The following LRRC75A variants were observed in gnomAD, a reference collection of about 807,000 sequenced individuals.
LRRC75A encodes leucine-rich repeat-containing protein 75A.
LRRC75A carries 12 observed loss-of-function variants against 26.0 expected under a neutral mutation model. The ratio of observed to expected loss-of-function variants is 0.46; its 90% CI spans 0.30 to 0.75. The LOEUF (loss-of-function observed/expected upper bound fraction) is 0.75. LRRC75A is among the 30% of genes least tolerant of loss of function. LRRC75A has a pLI of 0.08. For synonymous variants in LRRC75A, 223 were observed against 219.3 expected (o/e 1.02, Z -0.15); for missense variants, 410 against 486.6 (o/e 0.84, Z 1.48).
At chr17:16,457,550 C>T (rs1202381588) in intron 2 of LRRC75A, among the ~76,000 whole-genome samples, 1 of 152,204 alleles carries the variant, frequency 6.6e-6, no homozygotes, top group Non-Finnish European at 1.5e-5. Context: ...GCTCTCGGCT[C>T]CTGGCATCTG....
chr17:16,480,380 A>G (rs1381744128), intron 1 of LRRC75A, among the ~76,000 whole-genome samples: 1 of 152,162 alleles, frequency 6.6e-6, no homozygotes, highest in African/African-American at 2.4e-5. Context: ...CTGTAATCCT[A>G]GCACTTTGGG....
chr17:16,477,902 C>G (rs2093824882), intron 1 of LRRC75A, among the ~76,000 whole-genome samples: 1 of 152,068 alleles, frequency 6.6e-6, no homozygotes. Flanking sequence ...TTGTCTACAG[C>G]TTCGAGACAC....
intron 2 of LRRC75A, among the ~76,000 whole-genome samples, chr17:16,460,364 G>A (rs1009764381): frequency 6.6e-6 from 1 of 152,218 alleles, no homozygotes; most frequent in African/African-American, 2.4e-5. Flanking sequence ...GGGAAGATCA[G>A]AAGGCAGGAG....
At chr17:16,466,472 T>C (rs2093769756) in intron 1 of LRRC75A, among the ~76,000 whole-genome samples, 1 of 152,130 alleles carries the variant, frequency 6.6e-6, no homozygotes, top group South Asian at 2.1e-4. Flanking sequence ...TGGTTTGTCT[T>C]AAAAAGCACA....
In LRRC75A at chr17:16,444,065, G is replaced by T. The variant is rs201264792; in HGVS notation, c.558C>A (p.Thr186=). The part of the protein sequence containing the change: ...NTVDLSGIPL[T]SRDLERVTSY... ...TGGTCACCCGCTCCAGGTCTCGGGA[G>T]GTCAGTGGGATTCCCGACAGGTCCA... Residue 186 remains threonine (T), a synonymous_variant, in exon 4 of 4, where the codon ACC becomes ACA. Coordinates refer to ENST00000470794, the MANE Select transcript of LRRC75A (RefSeq NM_001113567.3). 1 of 1,612,904 alleles carries T rather than the reference G, an allele frequency of 6.2e-7. No homozygotes were observed. The highest frequency in any genetic ancestry group is 1.3e-5 in the African/African-American group (1 of 74,922).
chr17:16,471,366 C>G (rs1380230148), intron 1 of LRRC75A, among the ~76,000 whole-genome samples: 1 of 152,220 alleles, frequency 6.6e-6, no homozygotes, highest in Non-Finnish European at 1.5e-5. Flanking sequence ...CCAAGTCACT[C>G]AGCCAGTGGT....
chr17:16,486,225 C>T (rs1403630035), intron 1 of LRRC75A, among the ~76,000 whole-genome samples: 1 of 152,108 alleles, frequency 6.6e-6, no homozygotes, highest in Non-Finnish European at 1.5e-5. Flanking sequence ...TGGATGGAGG[C>T]CAGGGTACTT....
At chr17:16,464,364 C>G (rs1403876803) in intron 1 of LRRC75A, among the ~76,000 whole-genome samples, 4 of 152,182 alleles carry the variant, frequency 2.6e-5, no homozygotes, top group Non-Finnish European at 5.9e-5. Context: ...CCTTTGACCT[C>G]TGGCCCTGCC....
chr17:16,446,903 G>A (rs1422712435), intron 3 of LRRC75A: 6 of 363,026 alleles, frequency 1.7e-5, no homozygotes, highest in African/African-American at 1.0e-4. Flanking sequence ...CTGGGAATGC[G>A]CCTCTCCAGG....
At chr17:16,476,945 A>G (rs1355568367) in intron 1 of LRRC75A, among the ~76,000 whole-genome samples, 156 of 151,296 alleles carry the variant, frequency 1.0e-3, no homozygotes, top group African/African-American at 2.4e-3. Flanking sequence ...TCACCGTGTT[A>G]GCCAGGATGG....
chr17:16,479,561 T>C (rs1274656232), intron 1 of LRRC75A, among the ~76,000 whole-genome samples: 1 of 152,186 alleles, frequency 6.6e-6, no homozygotes, highest in Non-Finnish European at 1.5e-5. Context: ...AGGCACTCTA[T>C]GGGCTAGAAG....
At chr17:16,483,974 G>T (rs1276481195) in intron 1 of LRRC75A, among the ~76,000 whole-genome samples, 2 of 152,018 alleles carry the variant, frequency 1.3e-5, no homozygotes, top group African/African-American at 4.8e-5. Context: ...TTCTATAATT[G>T]TATATTGCTT....
chr17:16,443,573 C>A lies in LRRC75A; in HGVS notation c.*15G>T, dbSNP rs1201264889. 6.7e-7 allele frequency: 1 copy of A among 1,499,170 alleles called. No individual in the cohort carries two copies. Among genetic ancestry groups the A allele is most frequent in the Non-Finnish European group, 9.0e-7 (1 of 1,115,682 alleles). The allele number at this position is 1,499,170 out of a possible 1,614,324, so 92.9% of individuals were successfully genotyped here. A position where few individuals can be genotyped will look rare whatever the true frequency, so the allele number is the denominator to read the frequency against. On this transcript the variant is annotated 3_prime_UTR_variant, in exon 4 of 4. Coordinates refer to ENST00000470794, the MANE Select transcript of LRRC75A (RefSeq NM_001113567.3). The stretch of plus-strand genomic sequence containing the variant: ...ACCCAACAAGGACTCCCTGGTGAGG[C>A]CCTTCACTTCCATGTCACGTCTGAG...
chr17:16,488,687 A>G (rs1022825957), intron 1 of LRRC75A, among the ~76,000 whole-genome samples: 2 of 152,158 alleles, frequency 1.3e-5, no homozygotes, highest in Non-Finnish European at 2.9e-5. Context: ...GATTACACTT[A>G]TCTTAAAGGG....
Position 16,491,713 on chromosome 17 carries a change from G to GCGCGCCCCC in LRRC75A, c.246+23_246+31dup, listed in dbSNP as rs1362477603. The GCGCGCCCCC allele has an allele frequency of 7.7e-7, 1 of 1,295,354 alleles. No homozygotes were observed. Among genetic ancestry groups the GCGCGCCCCC allele is most frequent in the Non-Finnish European group, 9.8e-7 (1 of 1,022,758 alleles). The allele number at this position is 1,295,354 out of a possible 1,614,324, so 80.2% of individuals were successfully genotyped here. On this transcript the variant is annotated intron_variant, in intron 1 of 3. Transcript: ENST00000470794. The surrounding 1 kb of genome is among the most constrained non-coding windows in gnomAD (Gnocchi z 5.9). ...CCGGCCCAGCACGCCCCCTGGCCCGGCGCGCCCCCCGCGCCCCCTCCCCGC... is the reference window on the plus strand; with the variant it reads ...CCGGCCCAGCACGCCCCCTGGCCCGGCGCGCCCCCCGCGCCCCCCGCGCCCCCTCCCCGC...
At chr17:16,480,643 C>CA (rs60509458) in intron 1 of LRRC75A, among the ~76,000 whole-genome samples, 452 of 135,784 alleles carry the variant, frequency 3.3e-3, no homozygotes, top group Middle Eastern at 0.019. Context: ...AAAAAAAAAA[C>CA]AAAAAAAAAA....
chr17:16,482,097 G>C (rs901179878), intron 1 of LRRC75A, among the ~76,000 whole-genome samples: 1 of 152,168 alleles, frequency 6.6e-6, no homozygotes, highest in African/African-American at 2.4e-5. Context: ...TGCCAATGGA[G>C]AGAAACCTGC....
At chr17:16,453,788 C>T (rs2093654837) in intron 2 of LRRC75A, among the ~76,000 whole-genome samples, 1 of 152,122 alleles carries the variant, frequency 6.6e-6, no homozygotes, top group African/African-American at 2.4e-5. Context: ...CTTCTGCTGC[C>T]CTCCTGTCTC....
chr17:16,475,468 T>C (rs2093817508), intron 1 of LRRC75A, among the ~76,000 whole-genome samples: 2 of 152,172 alleles, frequency 1.3e-5, no homozygotes, highest in African/African-American at 4.8e-5. Flanking sequence ...AGGCAGAATT[T>C]CTTCTTCCTC....
Sources: gnomAD v4.1 joint callset for allele counts (sites outside exome capture counted in the v4.1 genomes callset) on GRCh38, gnomAD v4.1.1 for gene constraint, Gnocchi (gnomAD v3.1) non-coding constraint, MANE v1.5 for transcripts, NCBI Gene and HGNC (gene_info 2026-07-23, HGNC 2026-07-21) for gene names.